SLC22A4: variants seen among roughly 807,000 people sequenced by gnomAD.
The protein encoded by SLC22A4 is ET transporter.
A neutral mutation model predicts 56.6 loss-of-function variants in SLC22A4; 39 were observed. That is an observed-to-expected ratio of 0.69 (90% CI 0.53 to 0.90). The LOEUF is 0.90. Ranked by LOEUF, SLC22A4 falls within the 40% of genes least tolerant of loss-of-function variation. The pLI, the probability that SLC22A4 is intolerant of heterozygous loss-of-function variation, is 0.00. For synonymous variants in SLC22A4, 241 were observed against 281.4 expected (o/e 0.86, Z 1.44); for missense variants, 594 against 696.5 (o/e 0.85, Z 1.66).
At chr5:132,340,804 T>C (rs1313703551) in intron 9 of SLC22A4, 104 bp downstream of exon 9, 6 of 1,126,342 alleles carry the variant, frequency 5.3e-6, no homozygotes, top group Non-Finnish European at 8.1e-6. Flanking sequence ...AAGTAGAGAC[T>C]AGCTCTATCA....
In SLC22A4 at chr5:132,331,771, A is replaced by G; in HGVS notation, c.967A>G (p.Lys323Glu). 2 of 1,613,318 alleles carry G rather than the reference A, an allele frequency of 1.2e-6. No individual in the cohort carries two copies. Among genetic ancestry groups the G allele is most frequent in the Non-Finnish European group, 1.7e-6 (2 of 1,179,246 alleles). The change falls in exon 6 of 10, where the codon AAG becomes GAG. Residue 323 changes from lysine (K) to glutamate (E), a missense_variant. Lys to Glu is a moderately conservative substitution (Grantham distance 56). Coordinates refer to ENST00000200652, the MANE Select transcript of SLC22A4 (RefSeq NM_003059.3). ...FDSVEELNPL[K>E]QQKAFILDLF... ...TTGGTTACAGGAGCTAAATCCCCTG[A>G]AGCAGCAGAAAGCTTTCATTCTGGA...
chr5:132,337,857 T>G (rs950423651), intron 8 of SLC22A4, among the ~76,000 whole-genome samples: 1 of 151,640 alleles, frequency 6.6e-6, no homozygotes, highest in African/African-American at 2.4e-5. Context: ...TGCCTCAACC[T>G]CCTGAGTTGC....
chr5:132,324,518 C>T (rs1315913995), intron 4 of SLC22A4: 1 of 471,058 alleles, frequency 2.1e-6, no homozygotes, highest in East Asian at 7.0e-5. Flanking sequence ...CAGGACTTGC[C>T]CCAGACAGAG....
chr5:132,304,498 T>C (rs1171990477), intron 1 of SLC22A4, among the ~76,000 whole-genome samples: 1 of 152,080 alleles, frequency 6.6e-6, no homozygotes, highest in African/African-American at 2.4e-5. Context: ...GTCCCTGTAA[T>C]CCCAGCTACT....
At chr5:132,299,709 C>T (rs961339528) in intron 1 of SLC22A4, among the ~76,000 whole-genome samples, 23 of 152,320 alleles carry the variant, frequency 1.5e-4, no homozygotes, top group Admixed American at 1.4e-3. Context: ...CTGCCTCGGC[C>T]TCCCAAAGTG....
rs201228074 is a variant in SLC22A4, at chr5:132,335,954, G to A, written c.1398G>A (p.Thr466=). ...ACATGGCGGTGGGGGTCACATCCACGGCCTCCAGAGTGGGCAGCATCATTG... is the reference window on the plus strand; with the variant it reads ...ACATGGCGGTGGGGGTCACATCCACAGCCTCCAGAGTGGGCAGCATCATTG... The part of the protein sequence containing the change: ...VRNMAVGVTS[T]ASRVGSIIAP... Residue 466 remains threonine, a synonymous_variant, in exon 8 of 10, where the codon ACG becomes ACA. Transcript: ENST00000200652. 35 of 1,614,088 alleles carry A rather than the reference G, an allele frequency of 2.2e-5. No individual in the cohort carries two copies. Among genetic ancestry groups the A allele is most frequent in the East Asian group, 6.7e-5 (3 of 44,890 alleles).
chr5:132,296,932 T>G (rs959426708), intron 1 of SLC22A4, among the ~76,000 whole-genome samples: 2 of 152,296 alleles, frequency 1.3e-5, no homozygotes, highest in South Asian at 4.1e-4. Context: ...AGGATGTACA[T>G]CATCACACAT....
chr5:132,323,209 C>T (rs1750594991), intron 4 of SLC22A4, among the ~76,000 whole-genome samples: 1 of 152,178 alleles, frequency 6.6e-6, no homozygotes, highest in Non-Finnish European at 1.5e-5. Flanking sequence ...CTGGTTTCAC[C>T]GAACTGCATA....
At chr5:132,306,443 AGTTGTT>A (rs1237376748) in intron 1 of SLC22A4, among the ~76,000 whole-genome samples, 3 of 58,200 alleles carry the variant, frequency 5.2e-5, no homozygotes, top group African/African-American at 6.8e-5. Context: ...ATATATATAT[AGTTGTT>A]GTTGTTGTTG....
In SLC22A4 at chr5:132,322,268, T is replaced by C; in HGVS notation, c.737T>C (p.Leu246Pro). 3.1e-6 allele frequency: 5 copies of C among 1,614,050 alleles called. No individual in the cohort carries two copies. The highest frequency in any genetic ancestry group is 3.4e-6 in the Non-Finnish European group (4 of 1,179,906). ...CTFFAVGYMLLPLFAYFIRDW... is the reference protein window; with the variant it reads ...CTFFAVGYMLPPLFAYFIRDW... Reference sequence around the variant, plus strand: ...TTTTTTGCAGTTGGCTATATGCTGCTGCCACTGTTTGCTTACTTCATCAGA... The same window carrying C: ...TTTTTTGCAGTTGGCTATATGCTGCCGCCACTGTTTGCTTACTTCATCAGA... The change falls in exon 4 of 10, where the codon CTG (leucine) becomes CCG (proline). Residue 246 changes from leucine to proline, a missense_variant. Coordinates refer to ENST00000200652, the MANE Select transcript of SLC22A4 (RefSeq NM_003059.3).
intron 6 of SLC22A4, among the ~76,000 whole-genome samples, chr5:132,333,359 C>T (rs746605343): frequency 1.4e-4 from 22 of 152,174 alleles, no homozygotes; most frequent in Middle Eastern, 3.2e-3. Flanking sequence ...AGGGTACCAC[C>T]GCTCCTCTTT....
rs1046955346 is a variant in SLC22A4 at position 132,343,759 on chromosome 5, G to C, written c.1581-1G>C. 4 of 1,586,270 alleles carry C rather than the reference G, an allele frequency of 2.5e-6. No individual in the cohort carries two copies. The highest frequency in any genetic ancestry group is 2.2e-5 in the East Asian group (1 of 44,686). ...TTCCTTAGCATCTATTTTATTTTCA[G>C]GTTCAGATCTGGGAAAAAAACAAGA... On this transcript the variant is annotated splice_acceptor_variant, in intron 9 of 9. Transcript: ENST00000200652. LOFTEE classifies it high-confidence loss of function.
At chr5:132,328,892 T>TGTGC (rs1416926241) in intron 5 of SLC22A4, among the ~76,000 whole-genome samples, 1 of 17,306 alleles carries the variant, frequency 5.8e-5, no homozygotes, top group African/African-American at 3.8e-4. Flanking sequence ...TGTATATATA[T>TGTGC]GTGTGTATGT....
At chr5:132,324,881 A>G (rs1468369299) in intron 4 of SLC22A4, among the ~76,000 whole-genome samples, 3 of 152,248 alleles carry the variant, frequency 2.0e-5, no homozygotes, top group Non-Finnish European at 4.4e-5. Context: ...AAAAAATCAA[A>G]GCAATTCAAA....
At chr5:132,328,945 T>C (rs56083751) in intron 5 of SLC22A4, among the ~76,000 whole-genome samples, 1 of 145,512 alleles carries the variant, frequency 6.9e-6, no homozygotes, top group African/African-American at 2.6e-5. Flanking sequence ...ACACACACTT[T>C]AAAAAAATTT....
intron 3 of SLC22A4, among the ~76,000 whole-genome samples, chr5:132,321,794 G>A (rs1002440070): frequency 2.0e-5 from 3 of 152,104 alleles, no homozygotes; most frequent in Non-Finnish European, 4.4e-5. Flanking sequence ...TGTAGTTCCA[G>A]CTGTTCGGAA....
chr5:132,342,090 C>A (rs953977528), intron 9 of SLC22A4, among the ~76,000 whole-genome samples: 1 of 151,996 alleles, frequency 6.6e-6, no homozygotes, highest in Admixed American at 6.6e-5. Context: ...AATCAAAGAA[C>A]CATAAAGGAA....
intron 1 of SLC22A4, among the ~76,000 whole-genome samples, chr5:132,299,685 C>T (rs1749865121): frequency 6.6e-6 from 1 of 152,142 alleles, no homozygotes; most frequent in East Asian, 1.9e-4. Flanking sequence ...AACTCCTGAC[C>T]TAAGGTGATC....
chr5:132,334,968 A>T, intron 7 of SLC22A4, 36 bp downstream of exon 7: 1 of 1,425,388 alleles, frequency 7.0e-7, no homozygotes, highest in South Asian at 1.1e-5. Context: ...CTTACCAGAA[A>T]AGACCCACAT....
Sources: gnomAD v4.1 joint callset for allele counts (sites outside exome capture counted in the v4.1 genomes callset) on GRCh38, gnomAD v4.1.1 for gene constraint, MANE v1.5 for transcripts, NCBI Gene and HGNC (gene_info 2026-07-23, HGNC 2026-07-21) for gene names.